PLCB1: variants seen among roughly 807,000 people sequenced by gnomAD.
PLCB1 encodes phospholipase C beta 1.
In PLCB1, 46 loss-of-function variants were observed where a neutral mutation model predicts 161.8. The ratio of observed to expected loss-of-function variants is 0.28; its 90% CI spans 0.22 to 0.36. The LOEUF (loss-of-function observed/expected upper bound fraction) is 0.36. PLCB1 is among the 10% of genes least tolerant of loss of function. The pLI is 1.00. For synonymous variants in PLCB1, 517 were observed against 503.7 expected (o/e 1.03, Z -0.35); for missense variants, 1,016 against 1,472.5 (o/e 0.69, Z 5.07).
chr20:8,281,900 C>T (rs1466319871), intron 2 of PLCB1, among the ~76,000 whole-genome samples: 1 of 151,976 alleles, frequency 6.6e-6, no homozygotes, highest in Non-Finnish European at 1.5e-5. Context: ...TTTGTGTGCA[C>T]TTCTAATATA....
intron 31 of PLCB1, among the ~76,000 whole-genome samples, chr20:8,811,479 T>A (rs1984817866): frequency 6.6e-6 from 1 of 152,204 alleles, no homozygotes; most frequent in Non-Finnish European, 1.5e-5. Flanking sequence ...AGATTTTATA[T>A]TGAGTTGTGC....
intron 2 of PLCB1, among the ~76,000 whole-genome samples, chr20:8,350,361 G>T (rs1203753609): frequency 1.3e-5 from 2 of 152,100 alleles, no homozygotes; most frequent in African/African-American, 4.8e-5. Context: ...TCTGTTCCTG[G>T]GTTAGTTTAC....
intron 2 of PLCB1, among the ~76,000 whole-genome samples, chr20:8,231,468 G>A (rs1180425681): frequency 6.6e-6 from 1 of 152,166 alleles, no homozygotes; most frequent in African/African-American, 2.4e-5. Flanking sequence ...TGTTTTCTAA[G>A]GAGAGCCTCT....
chr20:8,863,927 G>A (rs1466599115), intron 31 of PLCB1, among the ~76,000 whole-genome samples: 1 of 152,160 alleles, frequency 6.6e-6, no homozygotes, highest in Non-Finnish European at 1.5e-5. Context: ...TAAAGATTAA[G>A]TTGGTAGGGT....
At chr20:8,638,519 T>G (rs1386628753) in intron 4 of PLCB1, among the ~76,000 whole-genome samples, 2 of 151,702 alleles carry the variant, frequency 1.3e-5, no homozygotes, top group Non-Finnish European at 2.9e-5. Flanking sequence ...CACACACACA[T>G]GAAAAAAGCA....
chr20:8,299,001 G>A (rs903710998), intron 2 of PLCB1, among the ~76,000 whole-genome samples: 2 of 32,236 alleles, frequency 6.2e-5, no homozygotes, highest in East Asian at 7.2e-3. Flanking sequence ...CCAACTTATA[G>A]GTAGGTAGAT....
At chr20:8,803,758 G>A (rs1984395915) in intron 31 of PLCB1, among the ~76,000 whole-genome samples, 1 of 151,810 alleles carries the variant, frequency 6.6e-6, no homozygotes, top group African/African-American at 2.4e-5. Context: ...TCTTGTTACT[G>A]CCCTGGTAGT....
chr20:8,661,978 TTATA>T (rs367699721), intron 9 of PLCB1, among the ~76,000 whole-genome samples: 1 of 39,796 alleles, frequency 2.5e-5, no homozygotes, highest in Non-Finnish European at 6.0e-5. Context: ...TATTATATAA[TTATA>T]TATAATTATA....
At chr20:8,481,717 CTT>C (rs1982504619) in intron 3 of PLCB1, among the ~76,000 whole-genome samples, 2 of 152,102 alleles carry the variant, frequency 1.3e-5, no homozygotes, top group Admixed American at 6.6e-5. Context: ...CTTCTCTGTC[CTT>C]CTCTGTCCTT....
At chr20:8,352,322 G>A (rs1986206520) in intron 2 of PLCB1, among the ~76,000 whole-genome samples, 1 of 152,044 alleles carries the variant, frequency 6.6e-6, no homozygotes, top group Admixed American at 6.6e-5. Flanking sequence ...GTTACTAGGG[G>A]CTGTAGAGGA....
chr20:8,744,616 T>TAAATAAAATAAAATAAAATTAAATTA (rs1555787575), intron 23 of PLCB1, among the ~76,000 whole-genome samples: 2 of 121,222 alleles, frequency 1.6e-5, no homozygotes, highest in Non-Finnish European at 3.5e-5. Context: ...AAAAATAAAA[T>TAAATAAAATAAAATAAAATTAAATTA]AAATAAAATA....
intron 2 of PLCB1, among the ~76,000 whole-genome samples, chr20:8,231,839 T>G (rs938501051): frequency 1.3e-5 from 2 of 152,284 alleles, no homozygotes; most frequent in Middle Eastern, 3.4e-3. Flanking sequence ...AAATGAAGAC[T>G]GGGACTGGGA....
chr20:8,170,083 C>A (rs2051718328), intron 2 of PLCB1, among the ~76,000 whole-genome samples: 1 of 152,100 alleles, frequency 6.6e-6, no homozygotes, highest in Non-Finnish European at 1.5e-5. Flanking sequence ...CAAGATTCTG[C>A]TCCTGTTCTC....
intron 9 of PLCB1, among the ~76,000 whole-genome samples, chr20:8,674,582 G>A (rs1175986933): frequency 6.6e-6 from 1 of 152,118 alleles, no homozygotes; most frequent in Non-Finnish European, 1.5e-5. Context: ...CTAAGGCTCA[G>A]GCCCATCTAC....
chr20:8,738,446 G>A lies in PLCB1; in HGVS notation c.2209-815G>A, dbSNP rs188661207. Among the ~76,000 whole-genome samples the A allele has an allele frequency of 4.5e-3, 689 of 152,184 alleles. 4 individuals carry two copies. The highest frequency in any genetic ancestry group is 7.2e-3 in the Non-Finnish European group (489 of 68,018). On this transcript the variant is annotated intron_variant, in intron 20 of 31. Transcript: ENST00000338037. ...TTTCTCTGATGGCCAGTGATGGTGAGCATTTTTTCTTAGTGGGTGCAGCGT... is the reference window on the plus strand; with the variant it reads ...TTTCTCTGATGGCCAGTGATGGTGAACATTTTTTCTTAGTGGGTGCAGCGT...
chr20:8,218,785 A>G lies in PLCB1; in HGVS notation c.177+68414A>G, dbSNP rs73897333. Among the ~76,000 whole-genome samples, 1,015 of 152,192 alleles carry G rather than the reference A, an allele frequency of 6.7e-3. 18 individuals carry two copies. Among genetic ancestry groups the G allele is most frequent in the African/African-American group, 0.023 (953 of 41,542 alleles). ...TTTTGGTTGTTCCATGGATTGGGGA[A>G]TATGGTGGGAAAGGGCCAGCACATT... On this transcript the variant is annotated intron_variant, in intron 2 of 31. Transcript: ENST00000338037.
intron 3 of PLCB1, among the ~76,000 whole-genome samples, chr20:8,512,043 A>G (rs1409373651): frequency 6.6e-6 from 1 of 152,166 alleles, no homozygotes; most frequent in African/African-American, 2.4e-5. Context: ...AAACACAAGC[A>G]GGAAAAGCTT....
chr20:8,233,467 CA>C (rs1980171353), intron 2 of PLCB1, among the ~76,000 whole-genome samples: 1 of 152,116 alleles, frequency 6.6e-6, no homozygotes, highest in Non-Finnish European at 1.5e-5. Flanking sequence ...GTGAGGCAGA[CA>C]GGCATTCGAA....
Position 8,790,279 on chromosome 20 carries a change from A to T in PLCB1, c.3423+18A>T, listed in dbSNP as rs201519375. On this transcript the variant is annotated intron_variant, in intron 31 of 31. Coordinates refer to ENST00000338037, the MANE Select transcript of PLCB1 (RefSeq NM_015192.4). ...AGCCCAAGGTAAACGGAACTGAATT[A>T]AAATGAACAATTATTTTATTTGATT... 8.3e-6 allele frequency: 13 copies of T among 1,573,114 alleles called. No homozygotes were observed. The highest frequency in any genetic ancestry group is 1.7e-4 in the Middle Eastern group (1 of 5,966).
Sources: allele counts gnomAD v4.1 joint callset (sites outside exome capture counted in the v4.1 genomes callset), GRCh38; gene constraint gnomAD v4.1.1; transcripts MANE v1.5; gene names NCBI Gene and HGNC (gene_info 2026-07-23, HGNC 2026-07-21).